The following IRF2 variants were observed in gnomAD, a reference collection of about 807,000 sequenced individuals.
IRF2 encodes interferon regulatory factor 2.
A neutral mutation model predicts 40.6 loss-of-function variants in IRF2; 15 were observed. That is an observed-to-expected ratio of 0.37 (90% CI 0.25 to 0.57). IRF2 has a LOEUF of 0.57. Ranked by LOEUF, IRF2 falls within the 20% of genes least tolerant of loss-of-function variation. The probability of loss-of-function intolerance (pLI) is 0.77; values close to 1 mark genes in which losing one functional copy is unlikely to be tolerated. For synonymous variants in IRF2, 151 were observed against 165.5 expected (o/e 0.91, Z 0.67); for missense variants, 317 against 455.7 (o/e 0.70, Z 2.77).
chr4:184,461,145 G>A (rs1255952890), intron 1 of IRF2, among the ~76,000 whole-genome samples: 2 of 152,196 alleles, frequency 1.3e-5, no homozygotes, highest in South Asian at 2.1e-4. Context: ...GGTAAGTAGA[G>A]AGGGGAGATA....
intron 7 of IRF2, among the ~76,000 whole-genome samples, chr4:184,394,864 C>T (rs1172536771): frequency 6.6e-6 from 1 of 152,232 alleles, no homozygotes; most frequent in Non-Finnish European, 1.5e-5. Context: ...CAAAGTGGCA[C>T]TTTGAAATGT....
In IRF2 at chr4:184,388,608, T is replaced by G. The variant is rs1056184733; in HGVS notation, c.*150A>C. ...CTGAGTTAAAGAGAAGCTCCAGTAC[T>G]GGAGTTGGACACAGCAATCAATGTT... On this transcript the variant is annotated 3_prime_UTR_variant, in exon 9 of 9. Coordinates refer to ENST00000393593, the MANE Select transcript of IRF2 (RefSeq NM_002199.4). This position sits in a 1 kb window ranked among gnomAD's most constrained non-coding sequence, Gnocchi z 4.6. 1.6e-5 allele frequency: 12 copies of G among 763,638 alleles called. No individual in the cohort carries two copies. Among genetic ancestry groups the G allele is most frequent in the Non-Finnish European group, 2.3e-5 (11 of 473,622 alleles). The allele number at this position is 763,638 out of a possible 1,614,324, so 47.3% of individuals were successfully genotyped here.
At chr4:184,434,990 A>G (rs1738025875) in intron 1 of IRF2, among the ~76,000 whole-genome samples, 1 of 152,206 alleles carries the variant, frequency 6.6e-6, no homozygotes, top group South Asian at 2.1e-4. Context: ...TCGAGGCTGC[A>G]GTGAGCCATG....
chr4:184,419,382 G>T, intron 3 of IRF2, 87 bp downstream of exon 3: 2 of 907,208 alleles, frequency 2.2e-6, no homozygotes, highest in Non-Finnish European at 3.6e-6. Flanking sequence ...TCTTCATGAG[G>T]TCATAAGCCA....
intron 1 of IRF2, among the ~76,000 whole-genome samples, chr4:184,468,679 A>G (rs2149920464): frequency 1.3e-5 from 2 of 152,278 alleles, no homozygotes; most frequent in Middle Eastern, 6.8e-3. Context: ...CTGGGAAGAG[A>G]TCCTCGATTC....
intron 5 of IRF2, among the ~76,000 whole-genome samples, chr4:184,410,294 T>G (rs1311850859): frequency 6.6e-6 from 1 of 152,232 alleles, no homozygotes; most frequent in Non-Finnish European, 1.5e-5. Flanking sequence ...AGGTGAAGAT[T>G]AAATGAGCTA....
At chr4:184,428,707 G>T (rs1258543048) in intron 2 of IRF2, 5 of 512,728 alleles carry the variant, frequency 9.8e-6, no homozygotes, top group African/African-American at 9.6e-5. Context: ...GCTGAGGTGG[G>T]AGGATCACTT....
intron 1 of IRF2, among the ~76,000 whole-genome samples, chr4:184,433,945 C>T (rs1425761006): frequency 1.3e-5 from 2 of 152,188 alleles, no homozygotes; most frequent in South Asian, 2.1e-4. Flanking sequence ...GCACCAGAAA[C>T]GGATCATTTA....
chr4:184,453,730 T>C (rs1400140026), intron 1 of IRF2, among the ~76,000 whole-genome samples: 1 of 152,214 alleles, frequency 6.6e-6, no homozygotes, highest in Admixed American at 6.5e-5. Flanking sequence ...AACTGAGCCA[T>C]GCTGGCTTGA....
At chr4:184,460,664 C>T (rs199751821) in intron 1 of IRF2, among the ~76,000 whole-genome samples, 14 of 116,846 alleles carry the variant, frequency 1.2e-4, no homozygotes, top group African/African-American at 3.3e-4. Context: ...CACATGCACG[C>T]GCACACACAC....
chr4:184,460,664 C>CGT (rs147253225), intron 1 of IRF2, among the ~76,000 whole-genome samples: 5 of 116,846 alleles, frequency 4.3e-5, no homozygotes, highest in Admixed American at 1.0e-4. Context: ...CACATGCACG[C>CGT]GCACACACAC....
At chr4:184,437,804 G>A (rs992582183) in intron 1 of IRF2, among the ~76,000 whole-genome samples, 2 of 148,162 alleles carry the variant, frequency 1.3e-5, no homozygotes, top group African/African-American at 5.1e-5. Context: ...TACTGCTCTG[G>A]GTCAGGACAG....
chr4:184,409,283 T>C (rs1453040912), intron 5 of IRF2, among the ~76,000 whole-genome samples: 1 of 152,154 alleles, frequency 6.6e-6, no homozygotes, highest in Non-Finnish European at 1.5e-5. Flanking sequence ...GTGGGTGTTC[T>C]CATCAGCTTA....
At chr4:184,473,107 G>A (rs1327459693) in intron 1 of IRF2, among the ~76,000 whole-genome samples, 2 of 152,006 alleles carry the variant, frequency 1.3e-5, no homozygotes, top group Non-Finnish European at 2.9e-5. Flanking sequence ...GGCTTCACTC[G>A]GTGGGCGAGC....
In IRF2 at chr4:184,419,457, G is replaced by A. The variant is rs868211337; in HGVS notation, c.187+12C>T. 1 of 1,542,336 alleles carries A rather than the reference G, an allele frequency of 6.5e-7. No homozygotes were observed. Among genetic ancestry groups the A allele is most frequent in the Non-Finnish European group, 8.9e-7 (1 of 1,118,504 alleles). On this transcript the variant is annotated intron_variant, in intron 3 of 8. Transcript: ENST00000393593. ...TGCCTTCCTCTATAAACGCCGCAGG[G>A]AGTTTTAGTACCTGTATGGATTGCC...
At chr4:184,411,032 T>G (rs1316821859) in intron 5 of IRF2, among the ~76,000 whole-genome samples, 1 of 151,944 alleles carries the variant, frequency 6.6e-6, no homozygotes, top group East Asian at 1.9e-4. Context: ...GACACTCTTT[T>G]GAACACTGTT....
chr4:184,453,004 T>C (rs1293867606), intron 1 of IRF2, among the ~76,000 whole-genome samples: 2 of 152,034 alleles, frequency 1.3e-5, no homozygotes, highest in African/African-American at 4.8e-5. Context: ...TCCCAAGTAA[T>C]CTAATCATGT....
chr4:184,459,609 G>C (rs1739059931), intron 1 of IRF2, among the ~76,000 whole-genome samples: 1 of 152,144 alleles, frequency 6.6e-6, no homozygotes, highest in Non-Finnish European at 1.5e-5. Context: ...TAGTTTTTCA[G>C]ACTTACTAGT....
chr4:184,450,405 C>T (rs949816731), intron 1 of IRF2, among the ~76,000 whole-genome samples: 1 of 152,164 alleles, frequency 6.6e-6, no homozygotes, highest in African/African-American at 2.4e-5. Context: ...TTTCCTTAAA[C>T]TGTATTTATA....
Sources: gnomAD v4.1 joint callset for allele counts (sites outside exome capture counted in the v4.1 genomes callset) on GRCh38, gnomAD v4.1.1 for gene constraint, Gnocchi (gnomAD v3.1) non-coding constraint, MANE v1.5 for transcripts, NCBI Gene and HGNC (gene_info 2026-07-23, HGNC 2026-07-21) for gene names.